MEFV: variants seen among roughly 807,000 people sequenced by gnomAD.
The protein encoded by MEFV is pyrin.
In MEFV, 60 loss-of-function variants were observed where a neutral mutation model predicts 62.5. The ratio of observed to expected loss-of-function variants is 0.96; its 90% CI spans 0.78 to 1.19. The LOEUF (loss-of-function observed/expected upper bound fraction) is 1.19, where lower values mean the gene tolerates loss of function less well. Among genes scored for constraint, MEFV ranks in the 50% most tolerant of loss-of-function variants. MEFV has a pLI of 0.00. For synonymous variants in MEFV, 500 were observed against 415.2 expected (o/e 1.20, Z -2.48); for missense variants, 1,169 against 1,004.5 (o/e 1.16, Z -2.21).
Position 3,243,153 on chromosome 16 carries a change from C to T in MEFV, c.2334G>A (p.Gln778=). Residue 778 remains glutamine, a synonymous_variant, in exon 10 of 10, where the codon CAG becomes CAA. Coordinates refer to ENST00000219596, the MANE Select transcript of MEFV (RefSeq NM_000243.3). ...APLTICPVGG[Q]GPD ...CAGTGTTGGGCATTCAGTCAGGCCC[C>T]TGACCACCCACTGGACAGATAGTCA... 1 of 1,613,572 alleles carries T rather than the reference C, an allele frequency of 6.2e-7. No homozygotes were observed. Among genetic ancestry groups the T allele is most frequent in the Non-Finnish European group, 8.5e-7 (1 of 1,180,032 alleles).
intron 6 of MEFV, 39 bp from the exon 7 acceptor site, chr16:3,244,627 G>C (rs761979752): frequency 6.6e-7 from 1 of 1,525,772 alleles, no homozygotes; most frequent in Non-Finnish European, 9.1e-7. Flanking sequence ...AGGCCGGAGC[G>C]AGGGGGTGGC....
At position 3,243,598 on chromosome 16, in the gene MEFV, G is replaced by A. The variant is rs376579860; in HGVS notation, c.1889C>T (p.Pro630Leu). ...VRLGNKWERL[P>L]DGPQRFDSCI... ...GCTGTCAAATCTTTGCGGGCCATCA[G>A]GCAGCCTCTCCCACTTGTTTCCAAG... is the stretch of plus-strand genomic sequence containing the variant. The change falls in exon 10 of 10, where the codon CCT becomes CTT. Residue 630 changes from proline to leucine, a missense_variant. Pro to Leu is a moderately conservative substitution (Grantham distance 98). Coordinates refer to ENST00000219596, the MANE Select transcript of MEFV (RefSeq NM_000243.3). The A allele has an allele frequency of 5.0e-6, 8 of 1,601,780 alleles. No individual in the cohort carries two copies. In the African/African-American group the frequency reaches 6.7e-5, roughly 13 times the overall value.
chr16:3,249,251 T>C (rs1204502437), intron 3 of MEFV, among the ~76,000 whole-genome samples, 180 bp downstream of exon 3: 2 of 152,238 alleles, frequency 1.3e-5, no homozygotes, highest in Non-Finnish European at 2.9e-5. Flanking sequence ...CCTGGATCTC[T>C]GAGCAACATA....
rs1567231282 is a variant in MEFV at position 3,243,232 on chromosome 16, A to C, written c.2255T>G (p.Leu752Arg). Reference sequence around the variant, plus strand: ...TGTCCCAGGGCTGAAGATAGGTTGAAGGGGCCCAGAGAAAGAGCAGCTGGC... The same window carrying C: ...TGTCCCAGGGCTGAAGATAGGTTGACGGGGCCCAGAGAAAGAGCAGCTGGC... ...TFASCSFSGPLQPIFSPGTRD... is the reference protein window; with the variant it reads ...TFASCSFSGPRQPIFSPGTRD... The change falls in exon 10 of 10, where the codon CTT becomes CGT. Residue 752 changes from leucine (L) to arginine (R), a missense_variant. Coordinates refer to ENST00000219596, the MANE Select transcript of MEFV (RefSeq NM_000243.3). 1 of 1,614,136 alleles carries C rather than the reference A, an allele frequency of 6.2e-7. No homozygotes were observed. Among genetic ancestry groups the C allele is most frequent in the Non-Finnish European group, 8.5e-7 (1 of 1,180,024 alleles).
intron 4 of MEFV, chr16:3,248,651 G>C: frequency 9.2e-7 from 1 of 1,086,872 alleles, no homozygotes; most frequent in Non-Finnish European, 1.2e-6. Flanking sequence ...AGTAGTCACC[G>C]GCATAGGTTG....
chr16:3,246,325 C>G, intron 6 of MEFV, 200 bp downstream of exon 6: 1 of 622,616 alleles, frequency 1.6e-6, no homozygotes. Flanking sequence ...AGCTCCATAC[C>G]CGGCCAGCCT....
chr16:3,249,089 T>TCTGGTAGCAAGGCTGAGGGTGCTG, intron 3 of MEFV, 85 bp from the exon 4 acceptor site: 1 of 1,359,394 alleles, frequency 7.4e-7, no homozygotes, highest in Non-Finnish European at 1.0e-6. Context: ...AACATCTCCT[T>TCTGGTAGCAAGGCTGAGGGTGCTG]CTGGTAGCAA....
rs138498376 is a variant in MEFV, at chr16:3,256,311, C to G, written c.277G>C (p.Glu93Gln). The change falls in exon 1 of 10, where the codon GAA becomes CAA. Residue 93 changes from glutamate to glutamine, a missense_variant and splice_region_variant. Glu to Gln is a conservative substitution (Grantham distance 29). Coordinates refer to ENST00000219596, the MANE Select transcript of MEFV (RefSeq NM_000243.3). Reference protein sequence around the residue: ...AEELHRAAIQEYSTQENGTDD... With the variant: ...AEELHRAAIQQYSTQENGTDD... ...GAGGAGGAGGCCTGGGCCCGCTTAC[C>G]CTGAATGGCTGCCCTGTGGAGCTCC... The G allele has an allele frequency of 5.8e-5, 93 of 1,613,474 alleles. No homozygotes were observed. The highest frequency in any genetic ancestry group is 7.2e-5 in the Non-Finnish European group (85 of 1,179,928).
At position 3,254,222 on chromosome 16, in the gene MEFV, A is replaced by G; in HGVS notation, c.846T>C (p.Thr282=). 2 of 1,614,242 alleles carry G rather than the reference A, an allele frequency of 1.2e-6. No homozygotes were observed. Among genetic ancestry groups the G allele is most frequent in the Non-Finnish European group, 1.7e-6 (2 of 1,180,042 alleles). The change falls in exon 2 of 10, where the codon ACT becomes ACC. Residue 282 remains threonine (T), a synonymous_variant. Transcript: ENST00000219596. The part of the protein sequence containing the change: ...DSATEPRARP[T]PDGGASADLK... Reference sequence around the variant, plus strand: ...GGTCCGCAGATGCCCCTCCATCCGGAGTGGGCCTTGCCCGGGGTTCTGTTG... The same window carrying G: ...GGTCCGCAGATGCCCCTCCATCCGGGGTGGGCCTTGCCCGGGGTTCTGTTG...
chr16:3,249,742 C>A lies in MEFV; in HGVS notation c.949G>T (p.Ala317Ser), dbSNP rs200527263. The A allele has an allele frequency of 4.3e-6, 7 of 1,613,916 alleles. No homozygotes were observed. Among genetic ancestry groups the A allele is most frequent in the African/African-American group, 1.3e-5 (1 of 74,904 alleles). ...PDTAASPRCH[A>S]QEGDPVDGTC... is the part of the protein sequence containing the mutation. ...CCGTCAACTGGGTCTCCTTCCTGGGCGTGGCAGCGGGGACTCGCAGCCGTG... is the reference window on the plus strand; with the variant it reads ...CCGTCAACTGGGTCTCCTTCCTGGGAGTGGCAGCGGGGACTCGCAGCCGTG... The change falls in exon 3 of 10, where the codon GCC (alanine) becomes TCC (serine). Residue 317 changes from alanine to serine, a missense_variant. Ala to Ser is a moderately conservative substitution (Grantham distance 99). Coordinates refer to ENST00000219596, the MANE Select transcript of MEFV (RefSeq NM_000243.3).
chr16:3,254,615 C>A lies in MEFV; in HGVS notation c.453G>T (p.Arg151Ser). Residue 151 changes from arginine (R) to serine (S), a missense_variant, in exon 2 of 10, where the codon AGG (arginine) becomes AGT (serine). Transcript: ENST00000219596. ...SLRCSQPEAG[R>S]GLSRKPLSKR... ...TGCTCAGGGGCTTCCTCGACAGCCCCCTCCCGGCCTCGGGCTGGCTGCACC... is the reference window on the plus strand; with the variant it reads ...TGCTCAGGGGCTTCCTCGACAGCCCACTCCCGGCCTCGGGCTGGCTGCACC... The A allele has an allele frequency of 1.2e-6, 2 of 1,603,124 alleles. No homozygotes were observed. The highest frequency in any genetic ancestry group is 1.7e-6 in the Non-Finnish European group (2 of 1,176,888).
chr16:3,248,641 AG>A (rs1012965212), intron 4 of MEFV: 1 of 964,780 alleles, frequency 1.0e-6, no homozygotes. Flanking sequence ...ATCTTTCTGC[AG>A]TAGTCACCGG....
intron 1 of MEFV, among the ~76,000 whole-genome samples, chr16:3,256,102 C>A (rs1223498899): frequency 6.6e-6 from 1 of 152,102 alleles, no homozygotes; most frequent in Non-Finnish European, 1.5e-5. Context: ...CTTAAAAAAC[C>A]CATTAGGAGC....
chr16:3,249,482 C>A lies in MEFV; in HGVS notation c.1209G>T (p.Glu403Asp). Residue 403 changes from glutamate (E) to aspartate (D), a missense_variant, in exon 3 of 10, where the codon GAG becomes GAT. Coordinates refer to ENST00000219596, the MANE Select transcript of MEFV (RefSeq NM_000243.3). ...TGGGGCGCACCCGGTGGCCTTGGTG[C>A]TCCTGACTCAGACTGCAGATGAGGC... ...PICLICSLSQ[E>D]HQGHRVRPIE... 6.2e-7 allele frequency: 1 copy of A among 1,614,142 alleles called. No homozygotes were observed. The highest frequency in any genetic ancestry group is 8.5e-7 in the Non-Finnish European group (1 of 1,180,034).
chr16:3,245,823 G>C (rs977116706), intron 6 of MEFV, among the ~76,000 whole-genome samples: 3 of 152,054 alleles, frequency 2.0e-5, no homozygotes, highest in Non-Finnish European at 4.4e-5. Context: ...TTCCACTTCT[G>C]GGTAGGTACC....
rs115037190 is a variant in MEFV, at chr16:3,254,849, C to T, written c.278-59G>A. On this transcript the variant is annotated intron_variant, in intron 1 of 9. Transcript: ENST00000219596. ...TGTCCCACGTTTAGGGCCCAAGATT[C>T]AGGGCAGAGGAGAGAGAATCCCCTT... 1,094 of 1,602,500 alleles carry T rather than the reference C, an allele frequency of 6.8e-4. 4 individuals are homozygous for T. In the African/African-American group the frequency reaches 0.013, roughly 19 times the overall value.
chr16:3,250,571 C>G (rs550369518), intron 2 of MEFV, among the ~76,000 whole-genome samples: 1 of 150,016 alleles, frequency 6.7e-6, no homozygotes, highest in Admixed American at 6.6e-5. Context: ...CCAGCCTGGG[C>G]AACAGAGTAA....
intron 4 of MEFV, 114 bp downstream of exon 4, chr16:3,248,795 G>A: frequency 6.3e-7 from 1 of 1,597,400 alleles, no homozygotes; most frequent in East Asian, 2.3e-5. Flanking sequence ...TCCCCTGAGA[G>A]GAGGTGGCCA....
rs780318620 is a variant in MEFV at position 3,256,269 on chromosome 16, A to G, written c.277+42T>C. 1.9e-6 allele frequency: 3 copies of G among 1,605,892 alleles called. 1 individual carries two copies. The highest frequency in any genetic ancestry group is 2.5e-6 in the Non-Finnish European group (3 of 1,176,600). ...TGGTCCCCTTTCCCACAAAGCAGCC[A>G]GCACTCAGCACTGGATGAGGAGGAG... On this transcript the variant is annotated intron_variant, in intron 1 of 9. Transcript: ENST00000219596.
Sources: gnomAD v4.1 joint callset for allele counts (sites outside exome capture counted in the v4.1 genomes callset) on GRCh38, gnomAD v4.1.1 for gene constraint, MANE v1.5 for transcripts, NCBI Gene and HGNC (gene_info 2026-07-23, HGNC 2026-07-21) for gene names.